The following USP34 variants were observed in gnomAD, a reference collection of about 807,000 sequenced individuals.
USP34 encodes ubiquitin carboxyl-terminal hydrolase 34.
Under a neutral mutation model 460.3 loss-of-function variants are expected in USP34, and 70 were observed. The observed-to-expected ratio is 0.15, with a 90% confidence interval of 0.13 to 0.19. The LOEUF is 0.19. Among genes scored for constraint, USP34 ranks in the 10% least tolerant of loss-of-function variants. The pLI, the probability that USP34 is intolerant of heterozygous loss-of-function variation, is 1.00. For synonymous variants in USP34, 1,647 were observed against 1,405.3 expected (o/e 1.17, Z -3.85); for missense variants, 3,985 against 4,236.2 (o/e 0.94, Z 1.65).
intron 10 of USP34, among the ~76,000 whole-genome samples, chr2:61,365,367 T>A: frequency 6.7e-6 from 1 of 148,778 alleles, no homozygotes; most frequent in Non-Finnish European, 1.5e-5. Context: ...CTTCAAAAAC[T>A]CAGAACAAAA....
chr2:61,272,527 A>T (rs929296614), intron 41 of USP34, among the ~76,000 whole-genome samples: 11 of 152,092 alleles, frequency 7.2e-5, no homozygotes, highest in Non-Finnish European at 4.4e-5. Flanking sequence ...TCCACGTCAA[A>T]GCACTTTTCA....
At position 61,383,351 on chromosome 2, in the gene USP34, T is replaced by C. The variant is rs201431634; in HGVS notation, c.754-15A>G. The stretch of plus-strand genomic sequence containing the variant: ...CATATTCTAATCTATATAAGAAACA[T>C]AAAAACAACATTAATGCCTAATATG... On this transcript the variant is annotated splice_polypyrimidine_tract_variant and intron_variant, in intron 5 of 79. Coordinates refer to ENST00000398571, the MANE Select transcript of USP34 (RefSeq NM_014709.4). 1.9e-4 allele frequency: 291 copies of C among 1,558,300 alleles called. No homozygotes were observed. The highest frequency in any genetic ancestry group is 2.3e-4 in the Non-Finnish European group (264 of 1,143,358).
At chr2:61,414,375 A>T (rs919793664) in intron 2 of USP34, among the ~76,000 whole-genome samples, 3 of 152,224 alleles carry the variant, frequency 2.0e-5, no homozygotes, top group African/African-American at 7.2e-5. Flanking sequence ...ATACTTCTGA[A>T]ATTCTGCAAG....
At chr2:61,326,639 G>A (rs1270260296) in intron 20 of USP34, among the ~76,000 whole-genome samples, 1 of 152,044 alleles carries the variant, frequency 6.6e-6, no homozygotes, top group Non-Finnish European at 1.5e-5. Flanking sequence ...ATGAAACTAA[G>A]TCAATAATAA....
At chr2:61,302,340 C>G (rs1021452485) in intron 27 of USP34, among the ~76,000 whole-genome samples, 1 of 152,086 alleles carries the variant, frequency 6.6e-6, no homozygotes, top group African/African-American at 2.4e-5. Flanking sequence ...TTTCCCTTCA[C>G]ATAATAAAAA....
chr2:61,469,802 A>T (rs1310270191), intron 1 of USP34, among the ~76,000 whole-genome samples: 1 of 152,238 alleles, frequency 6.6e-6, no homozygotes, highest in African/African-American at 2.4e-5. Context: ...TTACGCCCAG[A>T]AGTAGTTGAT....
chr2:61,235,788 G>T (rs1210042807), intron 57 of USP34, 57 bp downstream of exon 57: 105 of 1,549,786 alleles, frequency 6.8e-5, no homozygotes, highest in Middle Eastern at 1.7e-4. Context: ...TAGATCAGAG[G>T]GGGGGAAAAA....
At chr2:61,343,634 T>C (rs1346591960) in intron 16 of USP34, among the ~76,000 whole-genome samples, 181 bp downstream of exon 16, 1 of 152,106 alleles carries the variant, frequency 6.6e-6, no homozygotes, top group Non-Finnish European at 1.5e-5. Flanking sequence ...TTTATATTCA[T>C]GATGGACTAT....
At chr2:61,444,585 C>T (rs746977771) in intron 1 of USP34, among the ~76,000 whole-genome samples, 1 of 152,164 alleles carries the variant, frequency 6.6e-6, no homozygotes, top group South Asian at 2.1e-4. Context: ...CCAATAAATA[C>T]AAAATCAGAT....
chr2:61,399,518 A>T (rs1558571966), intron 3 of USP34, among the ~76,000 whole-genome samples: 1 of 152,084 alleles, frequency 6.6e-6, no homozygotes. Context: ...ATAAAAAATT[A>T]ACACACATCT....
chr2:61,212,278 G>A (rs1374634714), intron 68 of USP34, among the ~76,000 whole-genome samples: 1 of 152,108 alleles, frequency 6.6e-6, no homozygotes, highest in East Asian at 1.9e-4. Flanking sequence ...TACAAGTTTA[G>A]AAAGAGTAAA....
intron 8 of USP34, among the ~76,000 whole-genome samples, chr2:61,373,468 C>T (rs571557854): frequency 1.1e-4 from 17 of 148,762 alleles, no homozygotes; most frequent in Non-Finnish European, 1.6e-4. Context: ...ATAAGCCATG[C>T]CAACAATAAG....
At chr2:61,458,389 T>C (rs1050786863) in intron 1 of USP34, among the ~76,000 whole-genome samples, 1 of 151,160 alleles carries the variant, frequency 6.6e-6, no homozygotes, top group Non-Finnish European at 1.5e-5. Context: ...GGTGAAACCC[T>C]GTCTCTACTA....
intron 27 of USP34, among the ~76,000 whole-genome samples, chr2:61,307,547 G>C (rs1690451565): frequency 6.6e-6 from 1 of 151,212 alleles, no homozygotes; most frequent in Non-Finnish European, 1.5e-5. Flanking sequence ...TATAAGACTT[G>C]GATGTTAATT....
intron 76 of USP34, among the ~76,000 whole-genome samples, chr2:61,192,618 T>C (rs2103738450): frequency 6.6e-6 from 1 of 152,320 alleles, no homozygotes; most frequent in Middle Eastern, 3.4e-3. Flanking sequence ...TGTTTTGGAT[T>C]TTCCCCACAA....
chr2:61,462,961 G>A (rs1478402311), intron 1 of USP34, among the ~76,000 whole-genome samples: 1 of 148,794 alleles, frequency 6.7e-6, no homozygotes, highest in East Asian at 2.0e-4. Flanking sequence ...AGCCCAGGAG[G>A]TCAAGTTATA....
In USP34 at chr2:61,211,829, G is replaced by A; in HGVS notation, c.8783C>T (p.Thr2928Ile). 6.2e-7 allele frequency: 1 copy of A among 1,606,832 alleles called. No individual in the cohort carries two copies. Among genetic ancestry groups the A allele is most frequent in the Non-Finnish European group, 8.5e-7 (1 of 1,177,660 alleles). The change falls in exon 69 of 80, where the codon ACC (threonine) becomes ATC (isoleucine). Residue 2928 changes from threonine to isoleucine, a missense_variant. Transcript: ENST00000398571. Reference sequence around the variant, plus strand: ...TAAGCAACGTAAGTAACAACTTATGGTTGTTTTCTTGAACTGTTTAATATC... The same window carrying A: ...TAAGCAACGTAAGTAACAACTTATGATTGTTTTCTTGAACTGTTTAATATC... ...LEDIKQFKKT[T>I]ISCYLRCLDG...
intron 8 of USP34, among the ~76,000 whole-genome samples, chr2:61,375,906 T>C (rs1692785832): frequency 6.6e-6 from 1 of 150,592 alleles, no homozygotes; most frequent in South Asian, 2.1e-4. Flanking sequence ...CAAACTACAA[T>C]CTCAATGAAC....
At chr2:61,259,637 TG>T in intron 44 of USP34, 73 bp downstream of exon 44, 2 of 1,411,240 alleles carry the variant, frequency 1.4e-6, no homozygotes, top group East Asian at 4.6e-5. Flanking sequence ...CCACCCACCT[TG>T]GCCTCCCAAA....
Sources: allele counts gnomAD v4.1 joint callset (sites outside exome capture counted in the v4.1 genomes callset), GRCh38; gene constraint gnomAD v4.1.1; transcripts MANE v1.5; gene names NCBI Gene and HGNC (gene_info 2026-07-23, HGNC 2026-07-21).